The following ZNF713 variants were observed in gnomAD, a reference collection of about 807,000 sequenced individuals.
ZNF713 encodes zinc finger protein 713.
A neutral mutation model predicts 28.7 loss-of-function variants in ZNF713; 21 were observed. The observed-to-expected ratio is 0.73, with a 90% CI of 0.52 to 1.05. ZNF713 has a LOEUF of 1.05. Ranked by LOEUF, ZNF713 falls within the 50% of genes least tolerant of loss-of-function variation. The pLI, the probability that ZNF713 is intolerant of heterozygous loss-of-function variation, is 0.00. For missense variants in ZNF713, 458 were observed against 532.4 expected (o/e 0.86, Z 1.37); for synonymous variants, 167 against 178.0 (o/e 0.94, Z 0.49).
intron 1 of ZNF713, among the ~76,000 whole-genome samples, chr7:55,890,995 CAA>C (rs200945331): frequency 5.8e-5 from 6 of 102,606 alleles, no homozygotes; most frequent in Admixed American, 1.0e-4. Context: ...GACTCTGTCT[CAA>C]AAAAAAAAAA....
intron 4 of ZNF713, among the ~76,000 whole-genome samples, chr7:55,919,490 G>GTTTTTTTTGTTTTTTTTTTGTTTTT (rs1785945405): frequency 1.5e-5 from 1 of 66,760 alleles, no homozygotes; most frequent in African/African-American, 5.0e-5. Context: ...AAACACTCCA[G>GTTTTTTTTGTTTTTTTTTTGTTTTT]TTTTTTTTTT....
chr7:55,892,555 CAAAAA>C (rs56338467), intron 1 of ZNF713, among the ~76,000 whole-genome samples: 2 of 74,366 alleles, frequency 2.7e-5, no homozygotes, highest in East Asian at 9.5e-4. Flanking sequence ...AAGCACTGAC[CAAAAA>C]AAAAAAAAAA....
At chr7:55,933,160 C>A (rs922915987) in intron 6 of ZNF713, among the ~76,000 whole-genome samples, 1 of 151,226 alleles carries the variant, frequency 6.6e-6, no homozygotes, top group African/African-American at 2.4e-5. Flanking sequence ...TAATTTAAAC[C>A]CAGGAGGCAG....
At chr7:55,930,053 A>T (rs1786180316) in intron 6 of ZNF713, among the ~76,000 whole-genome samples, 1 of 152,102 alleles carries the variant, frequency 6.6e-6, no homozygotes, top group Admixed American at 6.6e-5. Context: ...CCCAATAAAA[A>T]TAATATGAAC....
chr7:55,907,633 C>G (rs1200502769), intron 2 of ZNF713, among the ~76,000 whole-genome samples: 6 of 152,110 alleles, frequency 3.9e-5, no homozygotes, highest in Non-Finnish European at 7.4e-5. Context: ...TTTGGAGTCT[C>G]CAGTGTCTGT....
intron 1 of ZNF713, among the ~76,000 whole-genome samples, chr7:55,895,214 A>C (rs10271662): frequency 0.28 from 42,591 of 151,892 alleles, 6,371 homozygotes; most frequent in Middle Eastern, 0.38. Flanking sequence ...GAACCAATGT[A>C]CTAGACATGA....
intron 6 of ZNF713, among the ~76,000 whole-genome samples, chr7:55,934,290 A>G (rs1786301117): frequency 6.6e-6 from 1 of 152,154 alleles, no homozygotes; most frequent in African/African-American, 2.4e-5. Flanking sequence ...GTTCAATTTT[A>G]GCAGGTCTAC....
chr7:55,912,557 C>A, intron 3 of ZNF713, 78 bp from the exon 4 acceptor site: 1 of 1,039,798 alleles, frequency 9.6e-7, no homozygotes, highest in Non-Finnish European at 1.5e-6. Flanking sequence ...GTCTGCCATA[C>A]CTACACAAAG....
intron 1 of ZNF713, among the ~76,000 whole-genome samples, chr7:55,888,309 C>A (rs917968750): frequency 6.6e-6 from 1 of 152,142 alleles, no homozygotes; most frequent in Non-Finnish European, 1.5e-5. Context: ...TCCGTTGAGT[C>A]ACTTTTCCAC....
At chr7:55,902,882 A>G (rs539689920) in intron 1 of ZNF713, among the ~76,000 whole-genome samples, 1 of 151,488 alleles carries the variant, frequency 6.6e-6, no homozygotes, top group Non-Finnish European at 1.5e-5. Context: ...AATCCCAGCT[A>G]CTTGGAAGGC....
chr7:55,933,097 C>T (rs35208675), intron 6 of ZNF713, among the ~76,000 whole-genome samples: 6,658 of 150,312 alleles, frequency 0.044, 279 homozygotes, highest in East Asian at 0.22. Flanking sequence ...ATTAGCTGGG[C>T]GTGGTGGCAG....
intron 1 of ZNF713, among the ~76,000 whole-genome samples, chr7:55,902,993 C>CAA (rs35706402): frequency 1.2e-3 from 96 of 80,666 alleles, no homozygotes; most frequent in African/African-American, 1.7e-3. Flanking sequence ...AACTCCGTCT[C>CAA]AAAAAAAAAA....
At chr7:55,938,185 T>C (rs1404595882) in intron 6 of ZNF713, among the ~76,000 whole-genome samples, 1 of 151,898 alleles carries the variant, frequency 6.6e-6, no homozygotes, top group East Asian at 1.9e-4. Context: ...GCCTGGGCGA[T>C]AGAGTGATAG....
intron 2 of ZNF713, among the ~76,000 whole-genome samples, chr7:55,908,048 T>C (rs922329299): frequency 7.2e-5 from 11 of 152,022 alleles, no homozygotes; most frequent in African/African-American, 9.7e-5. Flanking sequence ...CTGTTTTTCA[T>C]TGAGGTTGTA....
At chr7:55,891,525 A>G (rs1163001628) in intron 1 of ZNF713, among the ~76,000 whole-genome samples, 1 of 151,904 alleles carries the variant, frequency 6.6e-6, no homozygotes, top group Non-Finnish European at 1.5e-5. Context: ...AATAACAACA[A>G]CAACAACAAC....
At chr7:55,888,448 T>A (rs1322284582) in intron 1 of ZNF713, among the ~76,000 whole-genome samples, 3 of 152,174 alleles carry the variant, frequency 2.0e-5, no homozygotes, top group African/African-American at 7.2e-5. Context: ...AGTGGCACCA[T>A]CATGGCACAC....
intron 1 of ZNF713, among the ~76,000 whole-genome samples, chr7:55,899,804 C>G (rs138142458): frequency 6.6e-6 from 1 of 152,036 alleles, no homozygotes; most frequent in African/African-American, 2.4e-5. Context: ...TGCAGTGGCA[C>G]GATCTCAGCT....
intron 1 of ZNF713, 141 bp downstream of exon 1, chr7:55,887,821 C>A (rs1562731524): frequency 8.0e-4 from 2 of 2,506 alleles, no homozygotes; most frequent in Non-Finnish European, 1.2e-3. Flanking sequence ...GGGCGGCGGG[C>A]GGCGGGCGGC....
intron 6 of ZNF713, among the ~76,000 whole-genome samples, chr7:55,931,473 TATG>T (rs1278617130): frequency 2.0e-5 from 3 of 152,134 alleles, no homozygotes; most frequent in Non-Finnish European, 2.9e-5. Context: ...GAACCAAAAA[TATG>T]ATGATGCTTT....
Sources: allele counts gnomAD v4.1 joint callset (sites outside exome capture counted in the v4.1 genomes callset), GRCh38; gene constraint gnomAD v4.1.1; transcripts MANE v1.5; gene names NCBI Gene and HGNC (gene_info 2026-07-23, HGNC 2026-07-21).